The following RANBP17 variants were observed in gnomAD, a reference collection of about 807,000 sequenced individuals.
RANBP17 encodes the protein ran-binding protein 17.
Under a neutral mutation model 141.2 loss-of-function variants are expected in RANBP17, and 158 were observed. The observed-to-expected ratio is 1.12, with a 90% CI of 0.98 to 1.28. RANBP17 has a LOEUF of 1.28. Ranked by LOEUF, RANBP17 falls within the 50% of genes most tolerant of loss-of-function variation. RANBP17 has a pLI of 0.00. For synonymous variants in RANBP17, 430 were observed against 450.0 expected (o/e 0.96, Z 0.56); for missense variants, 1,438 against 1,290.7 (o/e 1.11, Z -1.75).
At chr5:171,296,320 G>A (rs1033102216) in intron 27 of RANBP17, among the ~76,000 whole-genome samples, 2 of 152,194 alleles carry the variant, frequency 1.3e-5, no homozygotes, top group Non-Finnish European at 2.9e-5. Context: ...AAGAAGGAAA[G>A]TGCAAATCCA....
At chr5:171,189,786 T>G (rs376976324) in intron 18 of RANBP17, among the ~76,000 whole-genome samples, 2 of 152,338 alleles carry the variant, frequency 1.3e-5, no homozygotes, top group African/African-American at 4.8e-5. Flanking sequence ...ATTTGAAGCC[T>G]TGTCTCACAA....
chr5:171,160,848 A>G (rs1388053956), intron 14 of RANBP17, among the ~76,000 whole-genome samples: 1 of 152,040 alleles, frequency 6.6e-6, no homozygotes, highest in Non-Finnish European at 1.5e-5. Flanking sequence ...GCTAGAATGC[A>G]ATGGAGCAGT....
intron 14 of RANBP17, among the ~76,000 whole-genome samples, chr5:171,061,747 A>T (rs1342888165): frequency 6.6e-6 from 1 of 152,062 alleles, no homozygotes; most frequent in Non-Finnish European, 1.5e-5. Context: ...TGATCTGTCT[A>T]ATGTTGACAG....
At chr5:170,897,181 C>A in intron 5 of RANBP17, 1 of 748,550 alleles carries the variant, frequency 1.3e-6, no homozygotes. Context: ...ATACTTATGG[C>A]TCCGGAAATA....
At position 170,919,550 on chromosome 5, in the gene RANBP17, A is replaced by G. The variant is rs561704381; in HGVS notation, c.1211A>G (p.Tyr404Cys). 2.5e-6 allele frequency: 4 copies of G among 1,611,564 alleles called. No individual in the cohort carries two copies. In the South Asian group the frequency reaches 3.3e-5, roughly 13 times the overall value. ...ACTGAACCCCACCTATTAGACACTTATGCACCAGAAATCACGAAGGCCTTT... is the reference window on the plus strand; with the variant it reads ...ACTGAACCCCACCTATTAGACACTTGTGCACCAGAAATCACGAAGGCCTTT... ...KSTEPHLLDT[Y>C]APEITKAFIT... The change falls in exon 11 of 28, where the codon TAT becomes TGT. Residue 404 changes from tyrosine to cysteine, a missense_variant. By Grantham distance (194) the Tyr-to-Cys change is radical. Transcript: ENST00000523189.
intron 14 of RANBP17, among the ~76,000 whole-genome samples, chr5:171,030,870 A>T (rs531231736): frequency 6.6e-6 from 1 of 152,122 alleles, no homozygotes; most frequent in Non-Finnish European, 1.5e-5. Context: ...AGGATGCTTG[A>T]TGGTTGTATC....
At chr5:171,012,047 AATTATATT>A (rs1486854486) in intron 14 of RANBP17, among the ~76,000 whole-genome samples, 1 of 144,648 alleles carries the variant, frequency 6.9e-6, no homozygotes, top group East Asian at 2.1e-4. Context: ...TGTTTAAACA[AATTATATT>A]ATTTGTTTAA....
chr5:170,961,626 A>G (rs1351492417), intron 13 of RANBP17, among the ~76,000 whole-genome samples: 2 of 152,172 alleles, frequency 1.3e-5, no homozygotes. Flanking sequence ...AGCATTTCAG[A>G]TTATGGATTT....
At chr5:171,297,695 C>T (rs927810084) in intron 27 of RANBP17, among the ~76,000 whole-genome samples, 1 of 151,756 alleles carries the variant, frequency 6.6e-6, no homozygotes, top group Admixed American at 6.6e-5. Flanking sequence ...TTGTGTACTG[C>T]GTCCTGAGCT....
chr5:170,988,067 T>C (rs115972364), intron 14 of RANBP17, among the ~76,000 whole-genome samples: 1,994 of 151,792 alleles, frequency 0.013, 45 homozygotes, highest in African/African-American at 0.046. Context: ...TCAAAGATGA[T>C]GATTTTTTGT....
intron 25 of RANBP17, among the ~76,000 whole-genome samples, chr5:171,283,292 G>A (rs1767961383): frequency 6.6e-6 from 1 of 152,182 alleles, no homozygotes; most frequent in African/African-American, 2.4e-5. Context: ...GGCTGGGACT[G>A]TGACTTGTTC....
intron 18 of RANBP17, among the ~76,000 whole-genome samples, chr5:171,186,553 T>TC (rs1444872004): frequency 1.4e-4 from 18 of 125,984 alleles, no homozygotes; most frequent in African/African-American, 5.3e-4. Context: ...TTTTTTTTTT[T>TC]TGAGACGGAG....
intron 13 of RANBP17, among the ~76,000 whole-genome samples, chr5:170,957,645 C>G (rs1355021555): frequency 6.6e-6 from 1 of 152,184 alleles, no homozygotes; most frequent in African/African-American, 2.4e-5. Flanking sequence ...ATTTTTCATA[C>G]TGTTGTGCTT....
At chr5:171,273,863 AT>A (rs1164795586) in intron 25 of RANBP17, among the ~76,000 whole-genome samples, 1 of 151,972 alleles carries the variant, frequency 6.6e-6, no homozygotes, top group Non-Finnish European at 1.5e-5. Context: ...GGATGTAGTT[AT>A]TTTGATTTTA....
intron 24 of RANBP17, among the ~76,000 whole-genome samples, chr5:171,243,986 G>A (rs898203156): frequency 5.3e-5 from 8 of 152,144 alleles, no homozygotes; most frequent in Non-Finnish European, 1.2e-4. Flanking sequence ...GCTGAGGCAG[G>A]AGAATCACAT....
In RANBP17 at chr5:171,200,752, A is replaced by G. The variant is rs538801562; in HGVS notation, c.2142+979A>G. ...CCAAATAGAAAAATGACACCCTTTG[A>G]TAATTATCTTTATGTAATTCTTCTA... On this transcript the variant is annotated intron_variant, in intron 19 of 27. Coordinates refer to ENST00000523189, the MANE Select transcript of RANBP17 (RefSeq NM_022897.5). Among the ~76,000 whole-genome samples, 67 of 152,366 alleles carry G rather than the reference A, an allele frequency of 4.4e-4. 2 individuals carry two copies. Among genetic ancestry groups the G allele is most frequent in the South Asian group, 1.0e-3 (5 of 4,828 alleles).
At chr5:171,080,793 A>G (rs1436577520) in intron 14 of RANBP17, among the ~76,000 whole-genome samples, 3 of 152,322 alleles carry the variant, frequency 2.0e-5, no homozygotes, top group East Asian at 1.9e-4. Flanking sequence ...TTCTGCATAG[A>G]ACACTCTTCA....
At chr5:170,886,085 G>A (rs983316009) in intron 3 of RANBP17, among the ~76,000 whole-genome samples, 1 of 152,056 alleles carries the variant, frequency 6.6e-6, no homozygotes, top group African/African-American at 2.4e-5. Context: ...TGTTCTCTCT[G>A]TGGGGGTTCT....
intron 20 of RANBP17, 32 bp downstream of exon 20, chr5:171,205,644 C>G: frequency 6.5e-7 from 1 of 1,544,668 alleles, no homozygotes; most frequent in South Asian, 1.1e-5. Flanking sequence ...AATACCAGCT[C>G]TGTGCACAGA....
Sources: allele counts gnomAD v4.1 joint callset (sites outside exome capture counted in the v4.1 genomes callset), GRCh38; gene constraint gnomAD v4.1.1; transcripts MANE v1.5; gene names NCBI Gene and HGNC (gene_info 2026-07-23, HGNC 2026-07-21).